Variants in PECR observed in about 807,000 individuals in gnomAD.
PECR encodes peroxisomal trans-2-enoyl-CoA reductase.
Under a neutral mutation model 35.3 loss-of-function variants are expected in PECR, and 30 were observed. The observed-to-expected ratio is 0.85, with a 90% CI of 0.64 to 1.15. PECR has a LOEUF of 1.15. PECR is among the 50% of genes most tolerant of loss of function. The probability of loss-of-function intolerance (pLI) is 0.00; values close to 1 mark genes in which losing one functional copy is unlikely to be tolerated. For synonymous variants in PECR, 148 were observed against 138.9 expected (o/e 1.07, Z -0.46); for missense variants, 392 against 370.8 (o/e 1.06, Z -0.47).
chr2:216,029,641 A>T (rs1694649421), intron 7 of PECR, among the ~76,000 whole-genome samples: 1 of 152,244 alleles, frequency 6.6e-6, no homozygotes, highest in African/African-American at 2.4e-5. Context: ...AAATACAAGG[A>T]TGCTAAGTCA....
At chr2:216,060,311 C>A (rs1039955522) in intron 3 of PECR, among the ~76,000 whole-genome samples, 19 of 152,070 alleles carry the variant, frequency 1.2e-4, no homozygotes, top group African/African-American at 4.6e-4. Context: ...AAAATGTCTA[C>A]AAGTAATGAT....
intron 1 of PECR, among the ~76,000 whole-genome samples, chr2:216,079,500 T>C (rs1436576277): frequency 6.6e-6 from 1 of 151,474 alleles, no homozygotes; most frequent in African/African-American, 2.4e-5. Context: ...CCTGAGTAGC[T>C]GGGATTACAG....
rs1695469417 is a variant in PECR, at chr2:216,066,509, A to G, written c.134T>C (p.Val45Ala). Reference protein sequence around the residue: ...VKELLELGSNVVIASRKLERL... With the variant: ...VKELLELGSNAVIASRKLERL... Reference sequence around the variant, plus strand: ...CTCCAACTTACGGGATGCAATGACCACATTACTCCCTGAGGAGAAACAGCC... The same window carrying G: ...CTCCAACTTACGGGATGCAATGACCGCATTACTCCCTGAGGAGAAACAGCC... Residue 45 changes from valine to alanine, a missense_variant, in exon 2 of 8, where the codon GTG (valine) becomes GCG (alanine). Transcript: ENST00000265322. 1 of 1,614,012 alleles carries G rather than the reference A, an allele frequency of 6.2e-7. No individual in the cohort carries two copies. The highest frequency in any genetic ancestry group is 1.1e-5 in the South Asian group (1 of 91,086).
At chr2:216,079,978 TC>T (rs1367140574) in intron 1 of PECR, among the ~76,000 whole-genome samples, 1 of 141,974 alleles carries the variant, frequency 7.0e-6, no homozygotes, top group Non-Finnish European at 1.5e-5. Flanking sequence ...CGAAACTCCA[TC>T]TCAAAAAAAA....
At chr2:216,079,023 C>CA (rs1200498007) in intron 1 of PECR, among the ~76,000 whole-genome samples, 1 of 152,164 alleles carries the variant, frequency 6.6e-6, no homozygotes, top group African/African-American at 2.4e-5. Flanking sequence ...CTGACCTATG[C>CA]ATGAATTGAT....
intron 1 of PECR, among the ~76,000 whole-genome samples, chr2:216,067,104 G>A (rs1695481917): frequency 6.6e-6 from 1 of 152,058 alleles, no homozygotes; most frequent in South Asian, 2.1e-4. Flanking sequence ...CTGCAGCAAG[G>A]GAGGGGAACA....
intron 1 of PECR, among the ~76,000 whole-genome samples, chr2:216,069,558 A>C (rs1695545835): frequency 6.6e-6 from 1 of 152,214 alleles, no homozygotes; most frequent in Admixed American, 6.5e-5. Flanking sequence ...ACTGAAGGCA[A>C]ACTTAACATC....
chr2:216,067,074 G>GA (rs1695481515), intron 1 of PECR, among the ~76,000 whole-genome samples: 2 of 152,134 alleles, frequency 1.3e-5, no homozygotes, highest in African/African-American at 4.8e-5. Context: ...CCAGCTTGCT[G>GA]CCTGGAGAAA....
chr2:216,079,756 C>T (rs9711580), intron 1 of PECR, among the ~76,000 whole-genome samples: 30,823 of 149,004 alleles, frequency 0.21, 3,268 homozygotes, highest in South Asian at 0.26. Flanking sequence ...CCGAGGCGGG[C>T]GGATCACCTG....
chr2:216,059,106 C>A, intron 3 of PECR, 130 bp from the exon 4 acceptor site: 1 of 697,890 alleles, frequency 1.4e-6, no homozygotes, highest in Admixed American at 2.2e-5. Flanking sequence ...AAAAGCCTGA[C>A]TGAGGTAAAA....
intron 3 of PECR, among the ~76,000 whole-genome samples, chr2:216,062,698 T>A (rs1488186006): frequency 1.3e-5 from 2 of 152,186 alleles, no homozygotes; most frequent in Admixed American, 1.3e-4. Context: ...AAAAATAATA[T>A]GTAATTTTGC....
At chr2:216,064,657 G>A (rs866392118) in intron 3 of PECR, among the ~76,000 whole-genome samples, 3 of 152,148 alleles carry the variant, frequency 2.0e-5, no homozygotes, top group Non-Finnish European at 4.4e-5. Context: ...CTTGTATCAC[G>A]ACTTAGACAG....
downstream of PECR, among the ~76,000 whole-genome samples, chr2:216,035,173 G>A (rs1694773182): frequency 6.6e-6 from 1 of 152,252 alleles, no homozygotes; most frequent in South Asian, 2.1e-4. Flanking sequence ...GGGCTCTGAA[G>A]CTTTGTTGGG....
chr2:216,052,093 G>A lies in PECR; in HGVS notation c.507-548C>T, dbSNP rs1451001126. Among the ~76,000 whole-genome samples the A allele has an allele frequency of 1.1e-4, 16 of 152,322 alleles. 2 individuals are homozygous for A. The South Asian group carries it at 2.5e-3, about 24-fold the overall frequency. On this transcript the variant is annotated intron_variant, in intron 4 of 7. Transcript: ENST00000265322. Reference sequence around the variant, plus strand: ...CCCAGCTGTTCAGGAGGCTGAGGCAGGAGAATCGCTTGACCCTGGGAGATG... The same window carrying A: ...CCCAGCTGTTCAGGAGGCTGAGGCAAGAGAATCGCTTGACCCTGGGAGATG...
chr2:216,059,216 C>A (rs1436574698), intron 3 of PECR, among the ~76,000 whole-genome samples: 3 of 152,134 alleles, frequency 2.0e-5, no homozygotes, highest in Non-Finnish European at 2.9e-5. Context: ...AGCTTGAGAA[C>A]CTTTCCATCA....
At chr2:216,077,302 C>G (rs993145049) in intron 1 of PECR, among the ~76,000 whole-genome samples, 1 of 149,610 alleles carries the variant, frequency 6.7e-6, no homozygotes, top group Non-Finnish European at 1.5e-5. Flanking sequence ...GTCAAGAGAT[C>G]GAGACCATCC....
intron 3 of PECR, among the ~76,000 whole-genome samples, chr2:216,062,638 T>C (rs1475414854): frequency 6.6e-5 from 10 of 152,102 alleles, no homozygotes; most frequent in African/African-American, 2.4e-4. Context: ...AAGTAATATA[T>C]GGTCATATTA....
intron 2 of PECR, 59 bp from the exon 3 acceptor site, chr2:216,065,536 T>C (rs1574699163): frequency 2.0e-6 from 2 of 1,009,790 alleles, no homozygotes; most frequent in East Asian, 4.8e-5. Context: ...ACTTGCTACC[T>C]CGCCTGATTG....
At chr2:216,061,956 G>T (rs1195438577) in intron 3 of PECR, among the ~76,000 whole-genome samples, 1 of 148,506 alleles carries the variant, frequency 6.7e-6, no homozygotes, top group African/African-American at 2.6e-5. Flanking sequence ...TATTTAAAAC[G>T]AGTGTGTGTG....
Sources: gnomAD v4.1 joint callset for allele counts (sites outside exome capture counted in the v4.1 genomes callset) on GRCh38, gnomAD v4.1.1 for gene constraint, MANE v1.5 for transcripts, NCBI Gene and HGNC (gene_info 2026-07-23, HGNC 2026-07-21) for gene names.